Variants in EYS observed in about 807,000 individuals in gnomAD.
EYS encodes protein eyes shut homolog.
In EYS, 250 loss-of-function variants were observed where a neutral mutation model predicts 282.1. The ratio of observed to expected loss-of-function variants is 0.89; its 90% CI spans 0.80 to 0.98. The LOEUF (loss-of-function observed/expected upper bound fraction) is 0.98, where lower values mean the gene tolerates loss of function less well. Ranked by LOEUF, EYS falls within the 50% of genes least tolerant of loss-of-function variation. The probability of loss-of-function intolerance (pLI) is 0.00; values close to 1 mark genes in which losing one functional copy is unlikely to be tolerated. For synonymous variants in EYS, 1,355 were observed against 1,282.9 expected (o/e 1.06, Z -1.20); for missense variants, 4,016 against 3,709.0 (o/e 1.08, Z -2.15).
intron 35 of EYS, among the ~76,000 whole-genome samples, chr6:63,919,538 G>A (rs1156648146): frequency 6.6e-6 from 1 of 152,084 alleles, no homozygotes; most frequent in Non-Finnish European, 1.5e-5. Flanking sequence ...AAGAGAGTTT[G>A]GAAAGCAGGC....
intron 26 of EYS, among the ~76,000 whole-genome samples, chr6:64,496,315 T>C (rs1371222953): frequency 6.6e-6 from 1 of 151,966 alleles, no homozygotes; most frequent in Non-Finnish European, 1.5e-5. Context: ...GATTATAGTT[T>C]AGTGATGAAA....
intron 29 of EYS, among the ~76,000 whole-genome samples, chr6:64,381,018 G>GA (rs113430990): frequency 5.1e-3 from 371 of 73,056 alleles, no homozygotes; most frequent in East Asian, 6.7e-3. Context: ...CTCCATCTCA[G>GA]AAAAAAAAAA....
chr6:65,675,745 T>A (rs1189393340), intron 1 of EYS, among the ~76,000 whole-genome samples: 1 of 151,858 alleles, frequency 6.6e-6, no homozygotes, highest in Non-Finnish European at 1.5e-5. Context: ...TATAGTCTGA[T>A]TGAACCCAAC....
At position 64,698,874 on chromosome 6, in the gene EYS, T is replaced by C. The variant is rs181434272; in HGVS notation, c.3444-72629A>G. ...AAAGAACATACCTATACACTATTGG[T>C]GGGAGTTAAAATTAGTTCAACCATT... On this transcript the variant is annotated intron_variant, in intron 22 of 42. Transcript: ENST00000503581. Among the ~76,000 whole-genome samples, 452 of 152,260 alleles carry C rather than the reference T, an allele frequency of 3.0e-3. 1 individual carries two copies. Among genetic ancestry groups the C allele is most frequent in the African/African-American group, 0.01 (430 of 41,544 alleles).
At chr6:64,393,050 C>T (rs553458112) in intron 28 of EYS, among the ~76,000 whole-genome samples, 44 of 152,234 alleles carry the variant, frequency 2.9e-4, no homozygotes, top group African/African-American at 9.9e-4. Flanking sequence ...ATAAATTCCT[C>T]GACACATACA....
rs145942338 is a variant in EYS at position 64,020,899 on chromosome 6, G to A, written c.6726-21716C>T. 9.6e-3 allele frequency among the ~76,000 whole-genome samples: 1,462 copies of A among 152,182 alleles called. 28 individuals carry two copies. The highest frequency in any genetic ancestry group is 0.033 in the African/African-American group (1,358 of 41,526). ...AATAGTGGTGCCATAGACAGATGGA[G>A]AAACCCTATTTTTGTATTAAAGGAT... On this transcript the variant is annotated intron_variant, in intron 33 of 42. Coordinates refer to ENST00000503581, the MANE Select transcript of EYS (RefSeq NM_001142800.2).
intron 2 of EYS, among the ~76,000 whole-genome samples, chr6:65,505,112 T>A (rs1371259846): frequency 6.6e-6 from 1 of 151,944 alleles, no homozygotes; most frequent in African/African-American, 2.4e-5. Context: ...CAGATGATCT[T>A]TTCTTGCATG....
At chr6:65,105,866 A>C (rs566801264) in intron 12 of EYS, among the ~76,000 whole-genome samples, 2 of 151,870 alleles carry the variant, frequency 1.3e-5, no homozygotes, top group South Asian at 4.2e-4. Flanking sequence ...GGAGAGATTA[A>C]TTGAAGAGCA....
At chr6:65,591,518 T>A (rs147799470) in intron 2 of EYS, among the ~76,000 whole-genome samples, 4 of 152,136 alleles carry the variant, frequency 2.6e-5, no homozygotes, top group Admixed American at 2.6e-4. Flanking sequence ...ATCTTTTCTC[T>A]TTCTCTTTCT....
chr6:65,404,840 G>A (rs1407338705), intron 6 of EYS, among the ~76,000 whole-genome samples: 1 of 151,820 alleles, frequency 6.6e-6, no homozygotes, highest in Non-Finnish European at 1.5e-5. Flanking sequence ...TGTGAGAAGA[G>A]CTAATGAAAT....
intron 26 of EYS, among the ~76,000 whole-genome samples, chr6:64,448,641 AC>A (rs1775206861): frequency 6.6e-6 from 1 of 152,034 alleles, no homozygotes; most frequent in African/African-American, 2.4e-5. Flanking sequence ...ACAGCCGGGT[AC>A]TCCTCTGAGA....
At chr6:64,022,822 C>T (rs1238523510) in intron 33 of EYS, among the ~76,000 whole-genome samples, 2 of 152,190 alleles carry the variant, frequency 1.3e-5, no homozygotes, top group African/African-American at 4.8e-5. Flanking sequence ...AAGAACAATA[C>T]ATAACATTTC....
chr6:64,379,566 T>C (rs939199910), intron 29 of EYS: 3 of 152,170 alleles, frequency 2.0e-5, no homozygotes, highest in Non-Finnish European at 4.4e-5. Flanking sequence ...TATGGTTTTG[T>C]TGATTTGTTT....
chr6:64,130,036 T>C (rs1773918222), intron 31 of EYS, among the ~76,000 whole-genome samples: 1 of 152,206 alleles, frequency 6.6e-6, no homozygotes, highest in African/African-American at 2.4e-5. Flanking sequence ...ACTGTAGCCT[T>C]GTAGTATAGT....
intron 13 of EYS, among the ~76,000 whole-genome samples, chr6:65,024,633 G>A (rs1259221076): frequency 6.6e-6 from 1 of 151,920 alleles, no homozygotes; most frequent in Non-Finnish European, 1.5e-5. Context: ...TTCCATTTTT[G>A]CTTTTTATTC....
intron 14 of EYS, among the ~76,000 whole-genome samples, chr6:64,996,232 C>G (rs1466574136): frequency 6.6e-6 from 1 of 152,078 alleles, no homozygotes; most frequent in Non-Finnish European, 1.5e-5. Context: ...TTTCTTTTAT[C>G]TCTAATCTCT....
intron 31 of EYS, among the ~76,000 whole-genome samples, chr6:64,090,634 A>G (rs1772324031): frequency 6.6e-6 from 1 of 152,058 alleles, no homozygotes; most frequent in Non-Finnish European, 1.5e-5. Context: ...TTTGGCAAAT[A>G]CTCAACGTTT....
In EYS at chr6:64,067,274, TA is replaced by T. The variant is rs199852351; in HGVS notation, c.6572-784del. On this transcript the variant is annotated intron_variant, in intron 32 of 42. Transcript: ENST00000503581. ...AACTTGTACAGAAAATCACAGAAAT[TA>T]TAAGCATAAAGCTCAGTAAGTAATC... 7.2e-5 allele frequency among the ~76,000 whole-genome samples: 11 copies of T among 152,224 alleles called. No homozygotes were observed. In the East Asian group the frequency reaches 2.1e-3, roughly 29 times the overall value.
At chr6:64,630,814 T>C (rs1013313649) in intron 22 of EYS, among the ~76,000 whole-genome samples, 8 of 152,174 alleles carry the variant, frequency 5.3e-5, no homozygotes, top group African/African-American at 1.7e-4. Context: ...AAAACACTTA[T>C]AAAATAGAAG....
Sources: allele counts gnomAD v4.1 joint callset (sites outside exome capture counted in the v4.1 genomes callset), GRCh38; gene constraint gnomAD v4.1.1; transcripts MANE v1.5; gene names NCBI Gene and HGNC (gene_info 2026-07-23, HGNC 2026-07-21).